The following KCNH4 variants were observed in gnomAD, a reference collection of about 807,000 sequenced individuals.
KCNH4 encodes voltage-gated delayed rectifier potassium channel KCNH4.
Under a neutral mutation model 90.7 loss-of-function variants are expected in KCNH4, and 33 were observed. That is an observed-to-expected ratio of 0.36 (90% confidence interval 0.28 to 0.49). The LOEUF (loss-of-function observed/expected upper bound fraction) is 0.49, where lower values mean the gene tolerates loss of function less well. Ranked by LOEUF, KCNH4 falls within the 20% of genes least tolerant of loss-of-function variation. The pLI is 0.98. For missense variants in KCNH4, 1,044 were observed against 1,387.1 expected (o/e 0.75, Z 3.93); for synonymous variants, 551 against 581.7 (o/e 0.95, Z 0.76).
chr17:42,168,486 A>G (rs2079802897), intron 9 of KCNH4, among the ~76,000 whole-genome samples: 1 of 152,246 alleles, frequency 6.6e-6, no homozygotes, highest in East Asian at 1.9e-4. Flanking sequence ...TCTACTAAGA[A>G]TACAAAAATC....
chr17:42,161,952 CTTT>C (rs986564483), intron 15 of KCNH4, among the ~76,000 whole-genome samples: 2 of 122,270 alleles, frequency 1.6e-5, no homozygotes, highest in South Asian at 2.7e-4. Context: ...ATATCTCTCT[CTTT>C]TTTTTTTTTT....
intron 16 of KCNH4, among the ~76,000 whole-genome samples, chr17:42,157,806 G>C (rs770765219): frequency 2.0e-5 from 3 of 150,764 alleles, no homozygotes; most frequent in Non-Finnish European, 4.4e-5. Flanking sequence ...GGGTGGGGGG[G>C]GTGTCTTGCT....
intron 9 of KCNH4, among the ~76,000 whole-genome samples, chr17:42,168,806 C>T (rs2079805687): frequency 1.3e-5 from 2 of 151,816 alleles, no homozygotes; most frequent in Admixed American, 1.3e-4. Context: ...GAGTCTCGCT[C>T]TGCCGCCCAG....
At chr17:42,178,680 C>T (rs776074999) in intron 2 of KCNH4, 113 bp downstream of exon 2, 116 of 1,157,374 alleles carry the variant, frequency 1.0e-4, no homozygotes, top group Non-Finnish European at 1.3e-4. Flanking sequence ...CGCTCCGTCA[C>T]AGTCAGCTTT....
chr17:42,165,462 C>T lies in KCNH4; in HGVS notation c.2072G>A (p.Gly691Asp), dbSNP rs776187068. ...GGGTGTACATACACTGGTGTCAGAG[C>T]CCTGGCGCAGGTTGAAGGTGAGGTC... The part of the protein sequence containing the change: ...PRDLTFNLRQ[G>D]SDTSGLSRFS... The change falls in exon 11 of 17, where the codon GGC becomes GAC. Residue 691 changes from glycine (G) to aspartate (D), a missense_variant. By Grantham distance (94) the Gly-to-Asp change is moderately conservative (BLOSUM62 -1). Around this residue, in one of 4 missense-constraint regions of KCNH4, gnomAD observed 441 missense variants for 512.3 expected, o/e 0.86. Transcript: ENST00000264661. 10 of 1,614,092 alleles carry T rather than the reference C, an allele frequency of 6.2e-6. No individual in the cohort carries two copies. In the South Asian group the frequency reaches 8.8e-5, roughly 14 times the overall value.
intron 1 of KCNH4, 32 bp from the exon 2 acceptor site, chr17:42,179,058 G>A (rs745451687): frequency 2.6e-6 from 4 of 1,551,140 alleles, no homozygotes; most frequent in Non-Finnish European, 3.6e-6. Context: ...GTCAGGTCAA[G>A]GCTGGGAGGC....
chr17:42,162,368 G>C (rs375151261), intron 14 of KCNH4, 47 bp from the exon 15 acceptor site: 2 of 1,541,572 alleles, frequency 1.3e-6, no homozygotes, highest in South Asian at 2.3e-5. Context: ...ATTAATACCT[G>C]AGCCTATAAC....
intron 7 of KCNH4, among the ~76,000 whole-genome samples, chr17:42,170,682 T>C (rs1287591222): frequency 1.3e-5 from 2 of 152,142 alleles, no homozygotes; most frequent in Non-Finnish European, 2.9e-5. Context: ...AGGAAAGTAT[T>C]GTATAGGGTG....
intron 16 of KCNH4, among the ~76,000 whole-genome samples, chr17:42,157,992 G>C (rs552114404): frequency 1.3e-5 from 2 of 151,968 alleles, no homozygotes; most frequent in African/African-American, 2.4e-5. Flanking sequence ...GCAATGGCAC[G>C]ATCTCGGCTC....
rs1247045648 is a variant in KCNH4 at position 42,163,368 on chromosome 17, G to C, written c.2478-34C>G. ...AGGGCAGTGCTCATCAGCACCATGG[G>C]GTGAGGGTAAGGGCCAGAGCAGAGC... On this transcript the variant is annotated intron_variant, in intron 13 of 16. Coordinates refer to ENST00000264661, the MANE Select transcript of KCNH4 (RefSeq NM_012285.3). This position sits in a 1 kb window ranked among gnomAD's most constrained non-coding sequence, Gnocchi z 5.4. 3 of 1,519,862 alleles carry C rather than the reference G, an allele frequency of 2.0e-6. No individual in the cohort carries two copies. In the East Asian group the frequency reaches 6.8e-5, roughly 34 times the overall value. 94.1% of individuals were successfully genotyped at this position (1,519,862 alleles called of 1,614,324 possible). A position where few individuals can be genotyped will look rare whatever the true frequency, so the allele number is the denominator to read the frequency against.
Position 42,166,218 on chromosome 17 carries a change from C to T in KCNH4, c.1840+79G>A. On this transcript the variant is annotated intron_variant, in intron 10 of 16. Coordinates refer to ENST00000264661, the MANE Select transcript of KCNH4 (RefSeq NM_012285.3). ...CGAGGGGTATCCCATTCCCTAGAAT[C>T]CTGGCCATTCCCAAGTCCTCAGTGG... The T allele has an allele frequency of 2.0e-6, 3 of 1,491,472 alleles. No individual in the cohort carries two copies. In the South Asian group the frequency reaches 4.0e-5, roughly 20 times the overall value. 92.4% of individuals were successfully genotyped at this position (1,491,472 alleles called of 1,614,324 possible).
chr17:42,159,467 T>G (rs2079730366), intron 16 of KCNH4, among the ~76,000 whole-genome samples: 1 of 152,174 alleles, frequency 6.6e-6, no homozygotes, highest in Non-Finnish European at 1.5e-5. Flanking sequence ...GGGCTCATGG[T>G]GGGCGGCCTA....
At chr17:42,170,370 C>T in intron 7 of KCNH4, 69 bp from the exon 8 acceptor site, 1 of 1,377,788 alleles carries the variant, frequency 7.3e-7, no homozygotes, top group Non-Finnish European at 9.7e-7. Flanking sequence ...CCCTGAGCCA[C>T]CTACGCTTGA....
chr17:42,161,663 C>T (rs1434525800), intron 15 of KCNH4, among the ~76,000 whole-genome samples: 1 of 152,124 alleles, frequency 6.6e-6, no homozygotes, highest in African/African-American at 2.4e-5. Context: ...AGGAAAGAGT[C>T]CTACAGTGGT....
chr17:42,167,729 A>C (rs954734139), intron 9 of KCNH4, among the ~76,000 whole-genome samples: 1 of 152,164 alleles, frequency 6.6e-6, no homozygotes, highest in Non-Finnish European at 1.5e-5. Context: ...GAAAACTGGG[A>C]GTCACTCTGA....
chr17:42,169,817 G>A (rs977281937), intron 8 of KCNH4, 141 bp from the exon 9 acceptor site: 1 of 831,274 alleles, frequency 1.2e-6, no homozygotes, highest in African/African-American at 1.7e-5. Context: ...TAAGGGTGGG[G>A]AATAGGGAGT....
intron 7 of KCNH4, among the ~76,000 whole-genome samples, chr17:42,170,959 G>A (rs1012004408): frequency 6.6e-6 from 1 of 152,222 alleles, no homozygotes; most frequent in African/African-American, 2.4e-5. Flanking sequence ...GGAGAGGCTG[G>A]TGTGGCTGCA....
chr17:42,165,350 T>G, intron 11 of KCNH4, 99 bp downstream of exon 11: 2 of 1,476,634 alleles, frequency 1.4e-6, no homozygotes, highest in Non-Finnish European at 9.3e-7. Context: ...AGGCATGTGT[T>G]TTTAGGGTGG....
In KCNH4 at chr17:42,166,435, G is replaced by A. The variant is rs1215139416; in HGVS notation, c.1702C>T (p.Leu568=). The A allele has an allele frequency of 6.2e-7, 1 of 1,614,150 alleles. No individual in the cohort carries two copies. The highest frequency in any genetic ancestry group is 8.5e-7 in the Non-Finnish European group (1 of 1,179,994). Residue 568 remains leucine (L), a synonymous_variant, in exon 10 of 17, where the codon CTA becomes TTA. Transcript: ENST00000264661. ...AACGAGGTCTTGATGTGCAGCGATA[G>A]GGCCCGCAGGCAGCCCCTGCTCGCT... The part of the protein sequence containing the change: ...GAASRGCLRA[L]SLHIKTSFCA...
Sources: gnomAD v4.1 joint callset for allele counts (sites outside exome capture counted in the v4.1 genomes callset) on GRCh38, gnomAD v4.1.1 for gene constraint, gnomAD v4.1.1 regional missense constraint, Gnocchi (gnomAD v3.1) non-coding constraint, MANE v1.5 for transcripts, NCBI Gene and HGNC (gene_info 2026-07-23, HGNC 2026-07-21) for gene names.